The following FOXP1 variants were observed in gnomAD, a reference collection of about 807,000 sequenced individuals.
FOXP1 encodes the protein forkhead box P1.
FOXP1 carries 15 observed loss-of-function variants against 98.2 expected under a neutral mutation model. The observed-to-expected ratio is 0.15, with a 90% CI of 0.10 to 0.24. The LOEUF is 0.24. FOXP1 is among the 10% of genes least tolerant of loss of function. FOXP1 has a pLI of 1.00. For missense variants in FOXP1, 633 were observed against 848.5 expected (o/e 0.75, Z 3.15); for synonymous variants, 371 against 314.5 (o/e 1.18, Z -1.90).
intron 17 of FOXP1, among the ~76,000 whole-genome samples, chr3:70,973,847 C>A (rs1460792798): frequency 9.1e-6 from 1 of 110,238 alleles, no homozygotes; most frequent in Admixed American, 9.0e-5. Context: ...CCCCCCCCCC[C>A]CACCCCCCAA....
At chr3:71,420,442 C>T (rs1218873863) in intron 3 of FOXP1, among the ~76,000 whole-genome samples, 1 of 152,108 alleles carries the variant, frequency 6.6e-6, no homozygotes, top group African/African-American at 2.4e-5. Context: ...CATCAGTGTC[C>T]TCAGCTGTGT....
At chr3:71,297,874 A>G (rs977666808) in intron 5 of FOXP1, among the ~76,000 whole-genome samples, 5 of 152,038 alleles carry the variant, frequency 3.3e-5, no homozygotes, top group Non-Finnish European at 7.4e-5. Context: ...CCCAAAGTGC[A>G]GGGATTACAG....
intron 2 of FOXP1, among the ~76,000 whole-genome samples, chr3:71,531,404 G>A (rs529018385): frequency 3.3e-5 from 5 of 152,228 alleles, no homozygotes; most frequent in African/African-American, 7.2e-5. Context: ...GCTATTCTAC[G>A]GGAAGAAACT....
intron 20 of FOXP1, among the ~76,000 whole-genome samples, chr3:70,965,582 A>ATTAGT (rs2034584583): frequency 6.6e-6 from 1 of 152,114 alleles, no homozygotes; most frequent in Admixed American, 6.6e-5. Context: ...AGGAATGCAT[A>ATTAGT]TTAGTTTGAG....
chr3:71,251,572 C>T (rs752770768), intron 5 of FOXP1, among the ~76,000 whole-genome samples: 2 of 152,184 alleles, frequency 1.3e-5, no homozygotes, highest in South Asian at 4.1e-4. Context: ...TCATACACAA[C>T]ACCATGTGTG....
At chr3:71,029,932 C>T (rs2046645487) in intron 11 of FOXP1, among the ~76,000 whole-genome samples, 1 of 152,098 alleles carries the variant, frequency 6.6e-6, no homozygotes, top group South Asian at 2.1e-4. Context: ...TAATAATTAA[C>T]AATAAGTTAA....
At chr3:71,276,600 C>A (rs543226349) in intron 5 of FOXP1, among the ~76,000 whole-genome samples, 31 of 152,174 alleles carry the variant, frequency 2.0e-4, no homozygotes, top group Admixed American at 2.0e-4. Flanking sequence ...CTAAGTATAT[C>A]CTTTTTAAAA....
intron 5 of FOXP1, among the ~76,000 whole-genome samples, chr3:71,258,761 C>T (rs937014963): frequency 6.6e-6 from 1 of 152,168 alleles, no homozygotes; most frequent in Non-Finnish European, 1.5e-5. Flanking sequence ...TCTTTTTGAA[C>T]TGAAGCAATT....
chr3:70,983,148 T>C (rs2039160034), intron 14 of FOXP1, among the ~76,000 whole-genome samples: 1 of 152,062 alleles, frequency 6.6e-6, no homozygotes, highest in African/African-American at 2.4e-5. Context: ...AAGCCTTTCC[T>C]TTCCTTTCCT....
chr3:71,180,387 C>T (rs1052600597), intron 6 of FOXP1, among the ~76,000 whole-genome samples: 4 of 151,694 alleles, frequency 2.6e-5, no homozygotes, highest in East Asian at 1.9e-4. Flanking sequence ...TATAGAAAGA[C>T]GGCAGCAAGG....
intron 2 of FOXP1, among the ~76,000 whole-genome samples, chr3:71,496,604 G>A (rs927742829): frequency 1.3e-5 from 2 of 152,032 alleles, no homozygotes; most frequent in Non-Finnish European, 2.9e-5. Context: ...GGCGGATCAC[G>A]AGGTCAGGAG....
intron 3 of FOXP1, among the ~76,000 whole-genome samples, chr3:71,436,692 A>G (rs1432822882): frequency 1.3e-5 from 2 of 152,226 alleles, no homozygotes; most frequent in Non-Finnish European, 2.9e-5. Flanking sequence ...GACTGTAGTC[A>G]TAAACCAAGT....
At chr3:71,145,894 C>A (rs898348441) in intron 6 of FOXP1, among the ~76,000 whole-genome samples, 5 of 152,132 alleles carry the variant, frequency 3.3e-5, no homozygotes, top group Non-Finnish European at 4.4e-5. Flanking sequence ...GTACACGAGT[C>A]CCTTGCTGGA....
intron 7 of FOXP1, among the ~76,000 whole-genome samples, chr3:71,108,220 A>C (rs563518283): frequency 6.6e-6 from 1 of 152,242 alleles, no homozygotes; most frequent in Non-Finnish European, 1.5e-5. Context: ...TCTTAGGAGA[A>C]AATGTGTCAT....
intron 5 of FOXP1, among the ~76,000 whole-genome samples, chr3:71,206,013 G>A (rs143027144): frequency 2.0e-3 from 303 of 152,270 alleles, no homozygotes; most frequent in Non-Finnish European, 3.5e-3. Flanking sequence ...GAAGCATTCA[G>A]ATTAAAATAG....
chr3:71,248,722 C>T (rs1252786958), intron 5 of FOXP1, among the ~76,000 whole-genome samples: 1 of 135,360 alleles, frequency 7.4e-6, no homozygotes, highest in African/African-American at 2.9e-5. Context: ...GCTTGGGCAA[C>T]AGAGCAAGAC....
At chr3:71,183,178 G>A (rs115324295) in intron 6 of FOXP1, among the ~76,000 whole-genome samples, 6 of 151,972 alleles carry the variant, frequency 3.9e-5, no homozygotes, top group South Asian at 2.1e-4. Flanking sequence ...TGATCATGGC[G>A]GTGGTGGTGA....
At chr3:71,175,833 T>A (rs1184365219) in intron 6 of FOXP1, among the ~76,000 whole-genome samples, 1 of 152,224 alleles carries the variant, frequency 6.6e-6, no homozygotes, top group Non-Finnish European at 1.5e-5. Flanking sequence ...TATCTTTTAT[T>A]TATCGTGCTA....
intron 3 of FOXP1, among the ~76,000 whole-genome samples, chr3:71,444,724 T>G (rs2086255174): frequency 6.6e-6 from 1 of 152,182 alleles, no homozygotes; most frequent in Non-Finnish European, 1.5e-5. Flanking sequence ...AGCCCACAAC[T>G]GGCCTACCCA....
Sources: gnomAD v4.1 joint callset for allele counts (sites outside exome capture counted in the v4.1 genomes callset) on GRCh38, gnomAD v4.1.1 for gene constraint, MANE v1.5 for transcripts, NCBI Gene and HGNC (gene_info 2026-07-23, HGNC 2026-07-21) for gene names.